The following BEND5 variants were observed in gnomAD, a reference collection of about 807,000 sequenced individuals.
BEND5 encodes BEN domain-containing protein 5.
In BEND5, 22 loss-of-function variants were observed where a neutral mutation model predicts 43.9. The ratio of observed to expected loss-of-function variants is 0.50; its 90% CI spans 0.36 to 0.72. BEND5 has a LOEUF of 0.72. Ranked by LOEUF, BEND5 falls within the 30% of genes least tolerant of loss-of-function variation. BEND5 has a pLI of 0.00. For missense variants in BEND5, 428 were observed against 550.6 expected (o/e 0.78, Z 2.23); for synonymous variants, 228 against 225.9 (o/e 1.01, Z -0.08).
chr1:48,748,493 T>C (rs1477727717), intron 3 of BEND5, among the ~76,000 whole-genome samples: 1 of 152,102 alleles, frequency 6.6e-6, no homozygotes, highest in East Asian at 1.9e-4. Flanking sequence ...GGAGAAAAAC[T>C]GGGGCAGAAG....
intron 1 of BEND5, among the ~76,000 whole-genome samples, chr1:48,763,530 C>T (rs1269796349): frequency 1.3e-5 from 2 of 151,726 alleles, no homozygotes; most frequent in African/African-American, 4.8e-5. Flanking sequence ...GAGAGAGAGA[C>T]GATGAGGGTG....
intron 3 of BEND5, among the ~76,000 whole-genome samples, chr1:48,746,913 G>C (rs1162346783): frequency 6.6e-6 from 1 of 152,196 alleles, no homozygotes; most frequent in Non-Finnish European, 1.5e-5. Context: ...TACAGGATCA[G>C]AAAGAAAAGG....
intron 5 of BEND5, among the ~76,000 whole-genome samples, chr1:48,734,963 G>C (rs2148570519): frequency 6.6e-6 from 1 of 152,314 alleles, no homozygotes; most frequent in Non-Finnish European, 1.5e-5. Flanking sequence ...AAGACAGCCT[G>C]CTGGCTCGGG....
intron 1 of BEND5, among the ~76,000 whole-genome samples, chr1:48,768,091 T>C (rs1035147758): frequency 6.6e-6 from 1 of 152,334 alleles, no homozygotes; most frequent in South Asian, 2.1e-4. Flanking sequence ...ATACAGGCCC[T>C]GTTCCTATCA....
intron 1 of BEND5, among the ~76,000 whole-genome samples, 191 bp downstream of exon 1, chr1:48,776,415 T>A (rs748893286): frequency 6.6e-5 from 10 of 152,004 alleles, no homozygotes; most frequent in Non-Finnish European, 1.2e-4. Flanking sequence ...AAGGGGACCA[T>A]CCGGTCTTTT....
At chr1:48,733,872 A>G (rs1237509558) in intron 5 of BEND5, among the ~76,000 whole-genome samples, 5 of 152,190 alleles carry the variant, frequency 3.3e-5, no homozygotes, top group Non-Finnish European at 4.4e-5. Context: ...CTATGTTTGG[A>G]AATGAGGCCA....
chr1:48,761,629 G>A (rs1644260471), intron 1 of BEND5, among the ~76,000 whole-genome samples, 159 bp from the exon 2 acceptor site: 1 of 152,176 alleles, frequency 6.6e-6, no homozygotes, highest in Non-Finnish European at 1.5e-5. Flanking sequence ...TTGCATGCAG[G>A]GATCCTAATA....
intron 5 of BEND5, among the ~76,000 whole-genome samples, chr1:48,730,366 A>AG (rs1647903482): frequency 6.6e-6 from 1 of 152,166 alleles, no homozygotes; most frequent in South Asian, 2.1e-4. Flanking sequence ...TGCAACCTCT[A>AG]GGGGGGACTT....
chr1:48,759,114 C>A lies in BEND5; in HGVS notation c.531G>T (p.Val177=). ...GCTCCTCATACAGAGCCCGGGGCAC[C>A]ACAGCATCTTCTAGACTGTCCATGT... ...TEDMDSLEDA[V]VPRALYEELL... is the part of the protein sequence containing the mutation. Residue 177 remains valine (V), a synonymous_variant, in exon 3 of 6, where the codon GTG becomes GTT. Coordinates refer to ENST00000371833, the MANE Select transcript of BEND5 (RefSeq NM_024603.4). 6.2e-7 allele frequency: 1 copy of A among 1,612,220 alleles called. No homozygotes were observed. Among genetic ancestry groups the A allele is most frequent in the Non-Finnish European group, 8.5e-7 (1 of 1,178,956 alleles).
intron 3 of BEND5, among the ~76,000 whole-genome samples, chr1:48,756,411 CA>C (rs2148648828): frequency 6.6e-6 from 1 of 152,302 alleles, no homozygotes; most frequent in East Asian, 1.9e-4. Context: ...CTGTTCCCCT[CA>C]TCAAACTTTA....
At position 48,760,012 on chromosome 1, in the gene BEND5, CAG is replaced by C. The variant is rs575213891; in HGVS notation, c.361-730_361-729del. Reference sequence around the variant, plus strand: ...TGTTACAGGTGAGAAAACTGAGGGTCAGAGAGTTCAGGGAAGGACTACACTTA... The same window carrying C: ...TGTTACAGGTGAGAAAACTGAGGGTCAGAGTTCAGGGAAGGACTACACTTA... On this transcript the variant is annotated intron_variant, in intron 2 of 5. Coordinates refer to ENST00000371833, the MANE Select transcript of BEND5 (RefSeq NM_024603.4). 3.3e-5 allele frequency among the ~76,000 whole-genome samples: 5 copies of C among 152,234 alleles called. No individual in the cohort carries two copies. The South Asian group carries it at 1.0e-3, about 32-fold the overall frequency.
chr1:48,735,480 A>AGGAG (rs1451258384), intron 5 of BEND5, among the ~76,000 whole-genome samples: 1 of 151,702 alleles, frequency 6.6e-6, no homozygotes, highest in African/African-American at 2.4e-5. Flanking sequence ...AAAGGAAGGA[A>AGGAG]GGAAAAAGGA....
intron 3 of BEND5, among the ~76,000 whole-genome samples, chr1:48,750,218 C>T (rs1651468205): frequency 6.6e-6 from 1 of 152,176 alleles, no homozygotes; most frequent in South Asian, 2.1e-4. Context: ...AAGGACTGCA[C>T]CCCAGCCCAC....
intron 3 of BEND5, among the ~76,000 whole-genome samples, chr1:48,748,697 C>G (rs1198827846): frequency 2.0e-5 from 3 of 152,080 alleles, no homozygotes; most frequent in African/African-American, 7.2e-5. Flanking sequence ...ATGTGATGAT[C>G]TGCATGAATT....
At position 48,759,048 on chromosome 1, in the gene BEND5, G is replaced by A; in HGVS notation, c.597C>T (p.His199=). The change falls in exon 3 of 6, where the codon CAC becomes CAT. Residue 199 remains histidine (H), a synonymous_variant. Transcript: ENST00000371833. ...GAGTCCGCTCCAGCTCCTGCTGGAG[G>A]TGGCGCATCTCTTCCTGTTGCTGCT... ...NYQQQQEEMR[H]LQQELERTRR... is the part of the protein sequence containing the mutation. 6.2e-7 allele frequency: 1 copy of A among 1,613,878 alleles called. No homozygotes were observed. Among genetic ancestry groups the A allele is most frequent in the Non-Finnish European group, 8.5e-7 (1 of 1,179,958 alleles).
At position 48,736,113 on chromosome 1, in the gene BEND5, G is replaced by T; in HGVS notation, c.1108+126C>A. On this transcript the variant is annotated intron_variant, in intron 5 of 5. Transcript: ENST00000371833. This position sits in a 1 kb window ranked among gnomAD's most constrained non-coding sequence, Gnocchi z 4.0. ...TTTGGGTTATCCGCTTGGTGTCCCCGGGCTCAGCCCAGGGTCTGGCATGCA... is the reference window on the plus strand; with the variant it reads ...TTTGGGTTATCCGCTTGGTGTCCCCTGGCTCAGCCCAGGGTCTGGCATGCA... 9.2e-7 allele frequency: 1 copy of T among 1,086,370 alleles called. No individual in the cohort carries two copies. The highest frequency in any genetic ancestry group is 1.4e-6 in the Non-Finnish European group (1 of 734,084). 67.3% of individuals were successfully genotyped at this position (1,086,370 alleles called of 1,614,324 possible).
At chr1:48,759,866 C>G (rs1644162127) in intron 2 of BEND5, among the ~76,000 whole-genome samples, 1 of 152,222 alleles carries the variant, frequency 6.6e-6, no homozygotes, top group South Asian at 2.1e-4. Context: ...CTTATTTTCT[C>G]TGTTTCTCCT....
chr1:48,729,786 G>T (rs1316007276), intron 5 of BEND5, among the ~76,000 whole-genome samples: 1 of 151,766 alleles, frequency 6.6e-6, no homozygotes, highest in Non-Finnish European at 1.5e-5. Context: ...GAAGGGTTTT[G>T]CAAAGAGAAG....
chr1:48,761,923 G>C (rs116070723), intron 1 of BEND5, among the ~76,000 whole-genome samples: 2 of 152,196 alleles, frequency 1.3e-5, no homozygotes. Context: ...AGACATGAGA[G>C]AGCTTATAGC....
Sources: allele counts gnomAD v4.1 joint callset (sites outside exome capture counted in the v4.1 genomes callset), GRCh38; gene constraint gnomAD v4.1.1; non-coding constraint Gnocchi (gnomAD v3.1); transcripts MANE v1.5; gene names NCBI Gene and HGNC (gene_info 2026-07-23, HGNC 2026-07-21).